NPAS3: variants seen among roughly 807,000 people sequenced by gnomAD.
NPAS3 encodes neuronal PAS domain protein 3, also known as neuronal PAS domain-containing protein 3.
NPAS3 carries 14 observed loss-of-function variants against 73.1 expected under a neutral mutation model. The observed-to-expected ratio is 0.19, with a 90% CI of 0.13 to 0.30. NPAS3 has a LOEUF of 0.30. NPAS3 is among the 10% of genes least tolerant of loss of function. The pLI is 1.00. For missense variants in NPAS3, 1,096 were observed against 1,250.0 expected (o/e 0.88, Z 1.86); for synonymous variants, 620 against 541.5 (o/e 1.14, Z -2.01).
intron 2 of NPAS3, among the ~76,000 whole-genome samples, chr14:33,146,012 A>G (rs1396874715): frequency 6.6e-6 from 1 of 152,216 alleles, no homozygotes. Flanking sequence ...TCACAAGTAA[A>G]GAGTCGCAGA....
intron 4 of NPAS3, among the ~76,000 whole-genome samples, chr14:33,443,033 G>C (rs1439712027): frequency 6.6e-6 from 1 of 152,210 alleles, no homozygotes; most frequent in Non-Finnish European, 1.5e-5. Flanking sequence ...AATGTGGAAT[G>C]ATTCAGGATA....
intron 6 of NPAS3, 27 bp from the exon 7 acceptor site, chr14:33,735,187 G>A (rs1178073988): frequency 6.6e-7 from 1 of 1,507,984 alleles, no homozygotes; most frequent in Non-Finnish European, 9.2e-7. Context: ...TCTAAATCGT[G>A]TGTGTCTGTA....
At chr14:33,407,079 A>G (rs573711698) in intron 4 of NPAS3, among the ~76,000 whole-genome samples, 2 of 152,138 alleles carry the variant, frequency 1.3e-5, no homozygotes, top group African/African-American at 4.8e-5. Context: ...AAGACCTACA[A>G]ATTATCTGTG....
At chr14:33,250,365 CTAAG>C (rs1288348554) in intron 3 of NPAS3, among the ~76,000 whole-genome samples, 2 of 151,988 alleles carry the variant, frequency 1.3e-5, no homozygotes, top group East Asian at 3.9e-4. Context: ...TGTGGTAACT[CTAAG>C]TAATTGATAT....
At chr14:32,955,843 A>G (rs1206395807) in intron 1 of NPAS3, among the ~76,000 whole-genome samples, 1 of 152,196 alleles carries the variant, frequency 6.6e-6, no homozygotes, top group Non-Finnish European at 1.5e-5. Flanking sequence ...AAAGAAATTA[A>G]TAGAGAAATA....
intron 4 of NPAS3, among the ~76,000 whole-genome samples, chr14:33,542,455 C>T (rs532979011): frequency 9.2e-5 from 14 of 152,236 alleles, no homozygotes; most frequent in African/African-American, 2.2e-4. Flanking sequence ...GTGTTCTCGT[C>T]GCCCCTCAAG....
chr14:33,279,691 C>G (rs1296036744), intron 3 of NPAS3, among the ~76,000 whole-genome samples: 1 of 152,086 alleles, frequency 6.6e-6, no homozygotes, highest in Non-Finnish European at 1.5e-5. Flanking sequence ...TTTAGCATAA[C>G]TCGGAGCACA....
intron 7 of NPAS3, among the ~76,000 whole-genome samples, chr14:33,743,648 C>G (rs753869697): frequency 1.6e-4 from 25 of 152,188 alleles, no homozygotes; most frequent in Non-Finnish European, 2.6e-4. Flanking sequence ...TCCTTTAAAG[C>G]TAAACATTGA....
At chr14:33,461,066 C>G (rs892478132) in intron 4 of NPAS3, among the ~76,000 whole-genome samples, 4 of 152,264 alleles carry the variant, frequency 2.6e-5, no homozygotes, top group African/African-American at 9.6e-5. Context: ...AAAACTGGTG[C>G]GGACGATACT....
At chr14:33,276,790 T>C (rs1032948352) in intron 3 of NPAS3, among the ~76,000 whole-genome samples, 9 of 152,102 alleles carry the variant, frequency 5.9e-5, no homozygotes, top group East Asian at 1.9e-4. Flanking sequence ...TTAAGATAAA[T>C]GATACTATGA....
chr14:33,640,716 C>T (rs1461239574), intron 5 of NPAS3, among the ~76,000 whole-genome samples: 1 of 152,120 alleles, frequency 6.6e-6, no homozygotes, highest in Admixed American at 6.5e-5. Flanking sequence ...TGGGGGAGAA[C>T]AAGTATATTG....
intron 5 of NPAS3, among the ~76,000 whole-genome samples, chr14:33,650,411 T>C (rs2058957234): frequency 6.6e-6 from 1 of 151,924 alleles, no homozygotes. Context: ...GCTAGAGACA[T>C]CCCTCACCCC....
intron 4 of NPAS3, among the ~76,000 whole-genome samples, chr14:33,468,463 C>T (rs1239786699): frequency 6.6e-6 from 1 of 152,200 alleles, no homozygotes; most frequent in African/African-American, 2.4e-5. Flanking sequence ...ATAAGAAATA[C>T]ATTTATTCTT....
At chr14:33,312,090 C>T (rs150481076) in intron 3 of NPAS3, among the ~76,000 whole-genome samples, 17 of 152,176 alleles carry the variant, frequency 1.1e-4, no homozygotes, top group African/African-American at 3.9e-4. Flanking sequence ...GTAGTCAGAG[C>T]TCTGGTCACA....
intron 3 of NPAS3, among the ~76,000 whole-genome samples, chr14:33,280,674 T>C (rs1211231135): frequency 1.3e-5 from 2 of 152,176 alleles, no homozygotes; most frequent in African/African-American, 4.8e-5. Flanking sequence ...GGGCCAATAA[T>C]ATGTTGTCAA....
At chr14:33,123,942 A>G (rs763536056) in intron 2 of NPAS3, among the ~76,000 whole-genome samples, 45 of 148,912 alleles carry the variant, frequency 3.0e-4, no homozygotes, top group Non-Finnish European at 5.6e-4. Flanking sequence ...GCTCACTGCA[A>G]TCTCCACTTC....
chr14:33,666,036 TGAG>T (rs966570990), intron 5 of NPAS3, among the ~76,000 whole-genome samples: 11 of 152,272 alleles, frequency 7.2e-5, no homozygotes, highest in African/African-American at 2.6e-4. Context: ...GGTACCAACT[TGAG>T]AAGAAAAATG....
intron 2 of NPAS3, among the ~76,000 whole-genome samples, chr14:33,180,130 A>T (rs1490676017): frequency 6.6e-6 from 1 of 151,990 alleles, no homozygotes; most frequent in East Asian, 1.9e-4. Context: ...TTTTAACCCA[A>T]TATATTTTAT....
intron 5 of NPAS3, among the ~76,000 whole-genome samples, chr14:33,650,581 A>T (rs1049872701): frequency 2.0e-5 from 3 of 152,196 alleles, no homozygotes; most frequent in African/African-American, 7.2e-5. Context: ...CGTGCACATT[A>T]TTCATCCCTT....
Sources: allele counts gnomAD v4.1 joint callset (sites outside exome capture counted in the v4.1 genomes callset), GRCh38; gene constraint gnomAD v4.1.1; transcripts MANE v1.5; gene names NCBI Gene and HGNC (gene_info 2026-07-23, HGNC 2026-07-21).